The following ADD3 variants were observed in gnomAD, a reference collection of about 807,000 sequenced individuals.
The protein encoded by ADD3 is gamma-adducin.
In ADD3, 25 loss-of-function variants were observed where a neutral mutation model predicts 80.2. That is an observed-to-expected ratio of 0.31 (90% CI 0.23 to 0.44). The LOEUF is 0.44. Among genes scored for constraint, ADD3 ranks in the 20% least tolerant of loss-of-function variants. The pLI is 1.00. For synonymous variants in ADD3, 284 were observed against 289.6 expected, an observed-to-expected ratio of 0.98 and a Z score of 0.20; for missense variants, 829 against 847.5, an observed-to-expected ratio of 0.98 and a Z score of 0.27.
chr10:110,037,742 A>G (rs1450644864), intron 1 of ADD3, among the ~76,000 whole-genome samples: 2 of 151,940 alleles, frequency 1.3e-5, no homozygotes, highest in African/African-American at 2.4e-5. Context: ...TTTGTTTCTG[A>G]TTGTAAAAAC....
upstream of ADD3, among the ~76,000 whole-genome samples, chr10:110,004,607 C>T (rs902731363): frequency 6.6e-6 from 1 of 151,822 alleles, no homozygotes; most frequent in Non-Finnish European, 1.5e-5. Flanking sequence ...CCATGACCGG[C>T]CAGACCCTGG....
Position 110,112,958 on chromosome 10 carries a change from C to A in ADD3, c.334+43C>A, listed in dbSNP as rs201381205. 1,512 of 1,582,678 alleles carry A rather than the reference C, an allele frequency of 9.6e-4. 3 individuals are homozygous for A. Among genetic ancestry groups the A allele is most frequent in the Non-Finnish European group, 1.2e-3 (1,430 of 1,160,664 alleles). On this transcript the variant is annotated intron_variant, in intron 3 of 14. Coordinates refer to ENST00000356080, the MANE Select transcript of ADD3 (RefSeq NM_016824.5). ...AGTTTTAAACATTATAATTTTACTT[C>A]CACTTTGGACCACTATACATCTCTA...
intron 1 of ADD3, among the ~76,000 whole-genome samples, chr10:110,046,224 ATACAG>A (rs1236697328): frequency 4.6e-5 from 7 of 152,204 alleles, no homozygotes; most frequent in African/African-American, 1.7e-4. Context: ...GTATCAATAA[ATACAG>A]TACAGTACCG....
chr10:110,103,640 T>C (rs1849088101), intron 2 of ADD3, among the ~76,000 whole-genome samples: 1 of 152,224 alleles, frequency 6.6e-6, no homozygotes, highest in Non-Finnish European at 1.5e-5. Context: ...ATTCTCCCCA[T>C]GCTCCAGGGG....
intron 1 of ADD3, among the ~76,000 whole-genome samples, chr10:110,025,738 C>A (rs1854211284): frequency 6.6e-6 from 1 of 152,132 alleles, no homozygotes; most frequent in Non-Finnish European, 1.5e-5. Flanking sequence ...CTGCCTCTGT[C>A]CAGTGCTTTT....
chr10:110,053,915 G>A (rs1173593991), intron 1 of ADD3, among the ~76,000 whole-genome samples: 4 of 152,152 alleles, frequency 2.6e-5, no homozygotes, highest in African/African-American at 9.7e-5. Flanking sequence ...TTCTATGTAC[G>A]AAGATGTTTA....
intron 12 of ADD3, among the ~76,000 whole-genome samples, chr10:110,127,484 G>A (rs919158025): frequency 2.0e-5 from 3 of 152,154 alleles, no homozygotes; most frequent in Admixed American, 6.5e-5. Context: ...GTGCGTGGTG[G>A]CGTGCACCTG....
intron 1 of ADD3, among the ~76,000 whole-genome samples, chr10:110,090,420 C>T (rs1374942939): frequency 6.6e-6 from 1 of 152,052 alleles, no homozygotes; most frequent in Non-Finnish European, 1.5e-5. Context: ...GGGGTTTCAC[C>T]ATGTTGCCAA....
At chr10:110,124,466 A>G (rs577963278) in intron 10 of ADD3, among the ~76,000 whole-genome samples, 192 bp downstream of exon 10, 2 of 152,302 alleles carry the variant, frequency 1.3e-5, no homozygotes, top group East Asian at 1.9e-4. Flanking sequence ...TAACTCTCCT[A>G]ATATGAATGA....
chr10:110,095,458 T>C (rs1049660042), intron 1 of ADD3, among the ~76,000 whole-genome samples: 10 of 152,164 alleles, frequency 6.6e-5, no homozygotes, highest in African/African-American at 2.4e-4. Flanking sequence ...ATAAATGGAG[T>C]CATACAATAT....
At chr10:110,012,476 C>G (rs1349060745) in intron 1 of ADD3, among the ~76,000 whole-genome samples, 2 of 152,196 alleles carry the variant, frequency 1.3e-5, no homozygotes, top group African/African-American at 4.8e-5. Context: ...CAATTCCTTT[C>G]AGGCTTCTAG....
chr10:110,012,528 C>T (rs1217499867), intron 1 of ADD3, among the ~76,000 whole-genome samples: 1 of 152,140 alleles, frequency 6.6e-6, no homozygotes, highest in Non-Finnish European at 1.5e-5. Flanking sequence ...TTAGAGTATC[C>T]TAGAAACCTT....
At chr10:110,038,560 G>A (rs1177532063) in intron 1 of ADD3, among the ~76,000 whole-genome samples, 1 of 152,154 alleles carries the variant, frequency 6.6e-6, no homozygotes, top group Non-Finnish European at 1.5e-5. Flanking sequence ...TTTTTAAACA[G>A]ATATAAAAGC....
At chr10:110,032,855 T>G (rs1289089480) in intron 1 of ADD3, among the ~76,000 whole-genome samples, 1 of 152,216 alleles carries the variant, frequency 6.6e-6, no homozygotes, top group Non-Finnish European at 1.5e-5. Context: ...TCTAAAGTAT[T>G]GCCTACCAGA....
In ADD3 at chr10:110,130,576, C is replaced by CTCA. The variant is rs1372262960; in HGVS notation, c.1732+90_1732+91insTCA. On this transcript the variant is annotated intron_variant, in intron 13 of 14. Coordinates refer to ENST00000356080, the MANE Select transcript of ADD3 (RefSeq NM_016824.5). ...GGATGATAGAAAGCAGTCAGTGTGG[C>CTCA]CGGGCACAATGGCTCACACCTGTAA... 4 of 1,428,766 alleles carry CTCA rather than the reference C, an allele frequency of 2.8e-6. No individual in the cohort carries two copies. In the African/African-American group the frequency reaches 5.7e-5, roughly 20 times the overall value. 88.5% of individuals were successfully genotyped at this position (1,428,766 alleles called of 1,614,324 possible). A position where few individuals can be genotyped will look rare whatever the true frequency, so the allele number is the denominator to read the frequency against.
intron 1 of ADD3, among the ~76,000 whole-genome samples, chr10:110,080,998 A>G (rs948386764): frequency 6.6e-6 from 1 of 152,006 alleles, no homozygotes; most frequent in South Asian, 2.1e-4. Context: ...TCATAATTCA[A>G]TCAAATGACA....
chr10:110,113,082 A>C (rs1327488264), intron 3 of ADD3, among the ~76,000 whole-genome samples, 167 bp downstream of exon 3: 1 of 152,196 alleles, frequency 6.6e-6, no homozygotes, highest in Admixed American at 6.5e-5. Flanking sequence ...TCAACCAGGC[A>C]TTTACTACAC....
At chr10:110,092,931 C>T (rs577454156) in intron 1 of ADD3, among the ~76,000 whole-genome samples, 1 of 152,220 alleles carries the variant, frequency 6.6e-6, no homozygotes, top group Non-Finnish European at 1.5e-5. Context: ...GCAATCTTGG[C>T]TTATTGCAAC....
chr10:110,117,750 T>C (rs1204838942), intron 5 of ADD3, among the ~76,000 whole-genome samples: 1 of 151,848 alleles, frequency 6.6e-6, no homozygotes, highest in East Asian at 1.9e-4. Context: ...GTGCAGTGGC[T>C]CACGCCTGTA....
Sources: gnomAD v4.1 joint callset for allele counts (sites outside exome capture counted in the v4.1 genomes callset) on GRCh38, gnomAD v4.1.1 for gene constraint, MANE v1.5 for transcripts, NCBI Gene and HGNC (gene_info 2026-07-23, HGNC 2026-07-21) for gene names.